Variants in ERO1A observed in about 807,000 individuals in gnomAD.
The protein encoded by ERO1A is endoplasmic reticulum oxidoreductase 1 alpha, also known as ERO1-like protein alpha.
A neutral mutation model predicts 76.9 loss-of-function variants in ERO1A; 49 were observed. The ratio of observed to expected loss-of-function variants is 0.64; its 90% CI spans 0.51 to 0.81. The LOEUF (loss-of-function observed/expected upper bound fraction) is 0.81, where lower values mean the gene tolerates loss of function less well. ERO1A is among the 30% of genes least tolerant of loss of function. The pLI is 0.00. For missense variants in ERO1A, 448 were observed against 542.1 expected, an observed-to-expected ratio of 0.83 and a Z score of 1.72; for synonymous variants, 174 against 181.2, an observed-to-expected ratio of 0.96 and a Z score of 0.32.
At chr14:52,645,361 G>A (rs938095422) in intron 15 of ERO1A, among the ~76,000 whole-genome samples, 5 of 147,908 alleles carry the variant, frequency 3.4e-5, no homozygotes, top group Non-Finnish European at 7.4e-5. Context: ...GGAGTGCAGT[G>A]GTATGATCTC....
At chr14:52,672,112 C>T (rs1313179317) in intron 4 of ERO1A, 1 of 337,060 alleles carries the variant, frequency 3.0e-6, no homozygotes. Context: ...TGAGACCAGG[C>T]TGGCCAACAT....
intron 8 of ERO1A, among the ~76,000 whole-genome samples, chr14:52,662,045 A>G (rs973112621): frequency 6.6e-6 from 1 of 151,992 alleles, no homozygotes; most frequent in African/African-American, 2.4e-5. Flanking sequence ...TATTGTTTTG[A>G]TACCTGATTT....
chr14:52,664,035 G>A (rs1353969649), intron 7 of ERO1A, 188 bp from the exon 8 acceptor site: 3 of 413,712 alleles, frequency 7.3e-6, no homozygotes, highest in Non-Finnish European at 1.3e-5. Context: ...AATAGTTCCT[G>A]ATCTTCTCCC....
chr14:52,669,283 T>C (rs1172175192), intron 6 of ERO1A, among the ~76,000 whole-genome samples: 1 of 152,174 alleles, frequency 6.6e-6, no homozygotes. Flanking sequence ...GTGCTGCACA[T>C]TGTAGTCACA....
At chr14:52,691,758 T>C (rs562498220) in intron 1 of ERO1A, among the ~76,000 whole-genome samples, 2 of 152,334 alleles carry the variant, frequency 1.3e-5, no homozygotes, top group African/African-American at 2.4e-5. Flanking sequence ...ATCCTGAGTG[T>C]TACTAGCACT....
chr14:52,688,576 T>G (rs2041254241), intron 1 of ERO1A, among the ~76,000 whole-genome samples: 2 of 152,222 alleles, frequency 1.3e-5, no homozygotes, highest in Admixed American at 1.3e-4. Flanking sequence ...AAGGGAAGCA[T>G]GTATTACTTC....
intron 13 of ERO1A, among the ~76,000 whole-genome samples, chr14:52,648,230 A>T (rs2039737101): frequency 6.6e-6 from 1 of 152,134 alleles, no homozygotes; most frequent in African/African-American, 2.4e-5. Context: ...AGCAACAGGT[A>T]CTAATTTTAA....
Position 52,681,262 on chromosome 14 carries a change from C to T in ERO1A, c.318+1063G>A, listed in dbSNP as rs191407360. 5.9e-5 allele frequency among the ~76,000 whole-genome samples: 9 copies of T among 152,262 alleles called. No homozygotes were observed. The East Asian group carries it at 9.6e-4, about 16-fold the overall frequency. ...TCAACAGGTGACTATATAAACAAAACATAGTATAGGCATACAGTGGAATGT... is the reference window on the plus strand; with the variant it reads ...TCAACAGGTGACTATATAAACAAAATATAGTATAGGCATACAGTGGAATGT... On this transcript the variant is annotated intron_variant, in intron 3 of 15. Transcript: ENST00000395686.
At chr14:52,661,633 C>T (rs989097288) in intron 8 of ERO1A, among the ~76,000 whole-genome samples, 3 of 152,144 alleles carry the variant, frequency 2.0e-5, no homozygotes, top group African/African-American at 7.2e-5. Context: ...CCTACGTTTA[C>T]TTGGCTGACA....
chr14:52,688,211 A>G (rs1446410297), intron 1 of ERO1A, among the ~76,000 whole-genome samples: 1 of 151,974 alleles, frequency 6.6e-6, no homozygotes, highest in Non-Finnish European at 1.5e-5. Context: ...AAAAAAAAAA[A>G]GTCCTAGTCT....
chr14:52,683,954 A>G (rs2041086058), intron 1 of ERO1A, 47 bp from the exon 2 acceptor site: 2 of 1,479,692 alleles, frequency 1.4e-6, no homozygotes, highest in Non-Finnish European at 1.8e-6. Context: ...CCTAAATGCA[A>G]CAGGGTTCTT....
At chr14:52,662,716 G>A (rs752704857) in intron 8 of ERO1A, among the ~76,000 whole-genome samples, 8 of 152,074 alleles carry the variant, frequency 5.3e-5, no homozygotes, top group Non-Finnish European at 1.0e-4. Context: ...AGTAAATGGC[G>A]GATAATCATT....
At chr14:52,674,915 T>C (rs1231903322) in intron 4 of ERO1A, among the ~76,000 whole-genome samples, 4 of 152,258 alleles carry the variant, frequency 2.6e-5, no homozygotes, top group African/African-American at 9.6e-5. Context: ...TATTGGACTC[T>C]AGTTAATAAT....
intron 6 of ERO1A, among the ~76,000 whole-genome samples, chr14:52,667,965 C>T (rs1226288364): frequency 6.6e-6 from 1 of 150,740 alleles, no homozygotes; most frequent in East Asian, 1.9e-4. Flanking sequence ...AAAAAAAAAC[C>T]CTAAGCTTGG....
chr14:52,692,036 C>T (rs1396094150), intron 1 of ERO1A, among the ~76,000 whole-genome samples: 1 of 152,206 alleles, frequency 6.6e-6, no homozygotes, highest in African/African-American at 2.4e-5. Context: ...TTCAAAGACT[C>T]AGTTGGAGCT....
chr14:52,676,038 C>T (rs567114535), intron 4 of ERO1A, among the ~76,000 whole-genome samples: 5 of 152,328 alleles, frequency 3.3e-5, no homozygotes, highest in African/African-American at 1.2e-4. Flanking sequence ...AAAGTAGACA[C>T]TGAGGCTTTA....
chr14:52,674,285 T>C (rs533402138), intron 4 of ERO1A, among the ~76,000 whole-genome samples: 4 of 152,310 alleles, frequency 2.6e-5, no homozygotes, highest in Admixed American at 1.3e-4. Context: ...AACCTGGACA[T>C]TGGGGCTCAG....
rs751524739 is a variant in ERO1A at position 52,652,246 on chromosome 14, T to C, written c.1118A>G (p.Lys373Arg). ...TAAGTATAAAGTAATTACCTTTAGTTTGTGTGCTTCTTTTTTATCCCCAGC... is the reference window on the plus strand; with the variant it reads ...TAAGTATAAAGTAATTACCTTTAGTCTGTGTGCTTCTTTTTTATCCCCAGC... ...FFAGDKKEAH[K>R]LKEDFRLHFR... Residue 373 changes from lysine to arginine, a missense_variant, in exon 13 of 16, where the codon AAA (lysine) becomes AGA (arginine). Lys to Arg is a conservative substitution (Grantham distance 26). Around this residue, in one of 2 missense-constraint regions of ERO1A, gnomAD observed 302 missense variants for 411.9 expected, o/e 0.73. Transcript: ENST00000395686. The C allele has an allele frequency of 2.6e-5, 41 of 1,591,654 alleles. 1 individual carries two copies. In the South Asian group the frequency reaches 3.5e-4, roughly 14 times the overall value.
intron 11 of ERO1A, among the ~76,000 whole-genome samples, chr14:52,656,098 C>G (rs939995702): frequency 3.9e-5 from 6 of 152,146 alleles, no homozygotes; most frequent in African/African-American, 2.4e-5. Context: ...CTTCTATTAA[C>G]TATAATTATG....
Sources: allele counts gnomAD v4.1 joint callset (sites outside exome capture counted in the v4.1 genomes callset), GRCh38; gene constraint gnomAD v4.1.1; regional missense constraint gnomAD v4.1.1; transcripts MANE v1.5; gene names NCBI Gene and HGNC (gene_info 2026-07-23, HGNC 2026-07-21).